Variants in RAI14 observed in about 807,000 individuals in gnomAD.
RAI14 encodes the protein retinoic acid induced 14, also known as ankycorbin.
A neutral mutation model predicts 115.4 loss-of-function variants in RAI14; 45 were observed. The observed-to-expected ratio is 0.39, with a 90% CI of 0.31 to 0.50. RAI14 has a LOEUF of 0.50. Among genes scored for constraint, RAI14 ranks in the 20% least tolerant of loss-of-function variants. The pLI, the probability that RAI14 is intolerant of heterozygous loss-of-function variation, is 0.85. For missense variants in RAI14, 939 were observed against 1,131.2 expected (o/e 0.83, Z 2.44); for synonymous variants, 371 against 415.4 (o/e 0.89, Z 1.30).
At chr5:34,676,841 G>T (rs1326579353) in intron 1 of RAI14, among the ~76,000 whole-genome samples, 1 of 152,128 alleles carries the variant, frequency 6.6e-6, no homozygotes, top group Non-Finnish European at 1.5e-5. Flanking sequence ...GGTTTAAAAA[G>T]AATGTGCTCA....
chr5:34,658,327 C>A (rs1358441427), intron 1 of RAI14, among the ~76,000 whole-genome samples: 1 of 152,144 alleles, frequency 6.6e-6, no homozygotes, highest in Non-Finnish European at 1.5e-5. Context: ...GTTTTCAAAG[C>A]ATGTTCTAGG....
At chr5:34,810,887 C>A in intron 7 of RAI14, 125 bp from the exon 8 acceptor site, 1 of 1,445,836 alleles carries the variant, frequency 6.9e-7, no homozygotes, top group Non-Finnish European at 9.4e-7. Flanking sequence ...TCAGGTTGGA[C>A]CAGATACTAG....
At chr5:34,717,419 C>T (rs1361624068) in intron 2 of RAI14, among the ~76,000 whole-genome samples, 7 of 152,116 alleles carry the variant, frequency 4.6e-5, no homozygotes, top group East Asian at 3.8e-4. Context: ...TTTTATGAGG[C>T]GGAATATCTT....
chr5:34,662,637 A>G (rs544077015), intron 1 of RAI14, among the ~76,000 whole-genome samples: 1 of 151,914 alleles, frequency 6.6e-6, no homozygotes, highest in Non-Finnish European at 1.5e-5. Flanking sequence ...TATATTATGG[A>G]TCCAGATAGG....
intron 2 of RAI14, among the ~76,000 whole-genome samples, chr5:34,699,746 C>T (rs1184435454): frequency 3.3e-5 from 5 of 152,164 alleles, no homozygotes; most frequent in African/African-American, 9.7e-5. Flanking sequence ...ACTCTGGGTG[C>T]GGAGCCAGTG....
At chr5:34,798,461 A>G (rs1330532108) in intron 4 of RAI14, among the ~76,000 whole-genome samples, 3 of 152,006 alleles carry the variant, frequency 2.0e-5, no homozygotes, top group African/African-American at 4.8e-5. Context: ...AAATATTTCT[A>G]TTTTGTTGTA....
In RAI14 at chr5:34,768,727, A is replaced by G. The variant is rs192337169; in HGVS notation, c.167+11129A>G. On this transcript the variant is annotated intron_variant, in intron 3 of 17. Coordinates refer to ENST00000265109, the MANE Select transcript of RAI14 (RefSeq NM_015577.3). ...GTGGGCCCCGGGTGCGGTGATTCACACCTGTAATCCCAGCACTTTGGGAGG... is the reference window on the plus strand; with the variant it reads ...GTGGGCCCCGGGTGCGGTGATTCACGCCTGTAATCCCAGCACTTTGGGAGG... Among the ~76,000 whole-genome samples the G allele has an allele frequency of 2.8e-3, 432 of 152,212 alleles. 2 individuals carry two copies. The highest frequency in any genetic ancestry group is 9.8e-3 in the African/African-American group (406 of 41,554).
chr5:34,830,086 G>A (rs1162218954), intron 17 of RAI14, among the ~76,000 whole-genome samples: 1 of 152,110 alleles, frequency 6.6e-6, no homozygotes, highest in Non-Finnish European at 1.5e-5. Flanking sequence ...ACGGGCTCAA[G>A]TGATCCTCCC....
intron 16 of RAI14, among the ~76,000 whole-genome samples, chr5:34,829,444 G>A (rs555672832): frequency 5.3e-5 from 8 of 152,036 alleles, no homozygotes; most frequent in East Asian, 1.9e-4. Flanking sequence ...CACCTCAGCC[G>A]CCCAAAGAGC....
rs1267072952 is a variant in RAI14, at chr5:34,832,326, A to C, written c.*1561A>C. Reference sequence around the variant, plus strand: ...TTAAGTTGTTTAATTATAGTTAAGCAATTTCAAAAATGCTCCAAAGAAATG... The same window carrying C: ...TTAAGTTGTTTAATTATAGTTAAGCCATTTCAAAAATGCTCCAAAGAAATG... On this transcript the variant is annotated 3_prime_UTR_variant, in exon 18 of 18. Coordinates refer to ENST00000265109, the MANE Select transcript of RAI14 (RefSeq NM_015577.3). 6.6e-6 allele frequency: 1 copy of C among 152,668 alleles called. No homozygotes were observed. Among genetic ancestry groups the C allele is most frequent in the Non-Finnish European group, 1.5e-5 (1 of 68,048 alleles). 9.5% of individuals were successfully genotyped at this position (152,668 alleles called of 1,614,324 possible).
intron 3 of RAI14, among the ~76,000 whole-genome samples, chr5:34,793,669 G>A (rs1753184551): frequency 6.6e-6 from 1 of 152,188 alleles, no homozygotes. Flanking sequence ...TGATTTGGGT[G>A]TGTGTATATG....
chr5:34,709,061 T>C (rs1482629874), intron 2 of RAI14, among the ~76,000 whole-genome samples: 1 of 150,776 alleles, frequency 6.6e-6, no homozygotes, highest in East Asian at 1.9e-4. Context: ...GCCCAGGAAT[T>C]TGAGGTTACA....
chr5:34,810,673 G>A (rs905704809), intron 7 of RAI14, among the ~76,000 whole-genome samples: 3 of 152,010 alleles, frequency 2.0e-5, no homozygotes, highest in East Asian at 1.9e-4. Context: ...CTCCAGCACC[G>A]TCCCTCAGTA....
intron 3 of RAI14, among the ~76,000 whole-genome samples, chr5:34,761,567 T>A: frequency 6.6e-6 from 1 of 152,088 alleles, no homozygotes; most frequent in East Asian, 1.9e-4. Context: ...GCCTTCAAGG[T>A]CTTTCCTCTG....
intron 3 of RAI14, among the ~76,000 whole-genome samples, chr5:34,760,503 C>G (rs1198133549): frequency 1.3e-5 from 2 of 152,128 alleles, no homozygotes; most frequent in Non-Finnish European, 2.9e-5. Context: ...TTCTTTGTCC[C>G]TGTTCTCCCT....
rs564294083 is a variant in RAI14 at position 34,797,532 on chromosome 5, A to G, written c.256+1505A>G. ...CAAACTGGTAAAACCATTTTTGGTCAAAAATAGGGAGTGATTGAAATAACA... is the reference window on the plus strand; with the variant it reads ...CAAACTGGTAAAACCATTTTTGGTCGAAAATAGGGAGTGATTGAAATAACA... On this transcript the variant is annotated intron_variant, in intron 4 of 17. Transcript: ENST00000265109. Among the ~76,000 whole-genome samples the G allele has an allele frequency of 2.6e-5, 4 of 152,218 alleles. No homozygotes were observed. The East Asian group carries it at 7.7e-4, about 29-fold the overall frequency.
chr5:34,828,313 T>C (rs1480237397), intron 16 of RAI14, among the ~76,000 whole-genome samples: 1 of 152,084 alleles, frequency 6.6e-6, no homozygotes, highest in East Asian at 1.9e-4. Context: ...AAGAGGAGCA[T>C]GTTATTAAAG....
chr5:34,762,413 C>T (rs1280911058), intron 3 of RAI14, among the ~76,000 whole-genome samples: 1 of 152,068 alleles, frequency 6.6e-6, no homozygotes, highest in Non-Finnish European at 1.5e-5. Context: ...GGTCAATAAC[C>T]AGATGGGTGG....
chr5:34,708,343 C>T (rs1740979723), intron 2 of RAI14, among the ~76,000 whole-genome samples: 1 of 152,070 alleles, frequency 6.6e-6, no homozygotes, highest in South Asian at 2.1e-4. Flanking sequence ...GCTGGGATTA[C>T]AGGCATGCGC....
Sources: gnomAD v4.1 joint callset for allele counts (sites outside exome capture counted in the v4.1 genomes callset) on GRCh38, gnomAD v4.1.1 for gene constraint, MANE v1.5 for transcripts, NCBI Gene and HGNC (gene_info 2026-07-23, HGNC 2026-07-21) for gene names.